HECTD4: variants seen among roughly 807,000 people sequenced by gnomAD.
HECTD4 encodes probable E3 ubiquitin-protein ligase HECTD4.
Under a neutral mutation model 471.5 loss-of-function variants are expected in HECTD4, and 114 were observed. That is an observed-to-expected ratio of 0.24 (90% confidence interval 0.21 to 0.28). The LOEUF is 0.28. Ranked by LOEUF, HECTD4 falls within the 10% of genes least tolerant of loss-of-function variation. The pLI is 1.00. For missense variants in HECTD4, 3,866 were observed against 5,651.5 expected, an observed-to-expected ratio of 0.68 and a Z score of 10.13; for synonymous variants, 2,012 against 2,256.0, an observed-to-expected ratio of 0.89 and a Z score of 3.07.
At chr12:112,373,389 C>G (rs1335987972) in intron 1 of HECTD4, among the ~76,000 whole-genome samples, 1 of 151,834 alleles carries the variant, frequency 6.6e-6, no homozygotes, top group African/African-American at 2.4e-5. Context: ...AAAAAATAGC[C>G]AGGTGTGGTG....
At position 112,213,048 on chromosome 12, in the gene HECTD4, G is replaced by A. The variant is rs146335407; in HGVS notation, c.7466-398C>T. ...TGACCTCAGGCAATCCACCTGCCTCGGCCTCTCAAAGTGCTGGAATTACAG... is the reference window on the plus strand; with the variant it reads ...TGACCTCAGGCAATCCACCTGCCTCAGCCTCTCAAAGTGCTGGAATTACAG... On this transcript the variant is annotated intron_variant, in intron 48 of 75. Transcript: ENST00000682272. This position sits in a 1 kb window ranked among gnomAD's most constrained non-coding sequence, Gnocchi z 4.0. 6.3e-4 allele frequency among the ~76,000 whole-genome samples: 96 copies of A among 152,156 alleles called. No individual in the cohort carries two copies. In the East Asian group the frequency reaches 0.013, roughly 20 times the overall value.
At position 112,193,053 on chromosome 12, in the gene HECTD4, C is replaced by T. The variant is rs759920750; in HGVS notation, c.9086+8G>A. The T allele has an allele frequency of 3.7e-6, 6 of 1,613,980 alleles. No individual in the cohort carries two copies. The highest frequency in any genetic ancestry group is 1.3e-5 in the African/African-American group (1 of 75,054). The stretch of plus-strand genomic sequence containing the variant: ...CCATCACCATCTTCTTGAGAACAGG[C>T]AACTTACTCTTTGCGGAATCCAGAT... On this transcript the variant is annotated splice_region_variant and intron_variant, in intron 58 of 75. Coordinates refer to ENST00000682272, the MANE Select transcript of HECTD4 (RefSeq NM_001388303.1). This position sits in a 1 kb window ranked among gnomAD's most constrained non-coding sequence, Gnocchi z 5.2.
At chr12:112,301,168 G>A (rs982440003) in intron 7 of HECTD4, among the ~76,000 whole-genome samples, 8 of 150,422 alleles carry the variant, frequency 5.3e-5, no homozygotes, top group Non-Finnish European at 7.4e-5. Flanking sequence ...TTACAGGCAT[G>A]AGCCACCACG....
At chr12:112,170,592 G>T in intron 68 of HECTD4, 140 bp from the exon 69 acceptor site, 2 of 1,088,142 alleles carry the variant, frequency 1.8e-6, no homozygotes, top group Non-Finnish European at 2.6e-6. Flanking sequence ...ACTGTGGAGG[G>T]TGGTGTGTCA....
chr12:112,267,048 A>C, intron 13 of HECTD4, 66 bp from the exon 14 acceptor site: 1 of 896,552 alleles, frequency 1.1e-6, no homozygotes, highest in East Asian at 2.7e-5. Flanking sequence ...TAAATATTTA[A>C]ATTCATATTT....
rs558371908 is a variant in HECTD4 at position 112,333,243 on chromosome 12, A to C, written c.178-13501T>G. Among the ~76,000 whole-genome samples the C allele has an allele frequency of 2.0e-5, 3 of 152,350 alleles. No homozygotes were observed. In the East Asian group the frequency reaches 5.8e-4, roughly 29 times the overall value. On this transcript the variant is annotated intron_variant, in intron 1 of 75. Coordinates refer to ENST00000682272, the MANE Select transcript of HECTD4 (RefSeq NM_001388303.1). Reference sequence around the variant, plus strand: ...AAATGGAACAGCCGAGTCACATGTTAACTCTATGTTTACCATCTAGAGGAA... The same window carrying C: ...AAATGGAACAGCCGAGTCACATGTTCACTCTATGTTTACCATCTAGAGGAA...
chr12:112,225,141 C>T (rs2033198993), intron 44 of HECTD4, among the ~76,000 whole-genome samples: 1 of 151,978 alleles, frequency 6.6e-6, no homozygotes, highest in Non-Finnish European at 1.5e-5. Flanking sequence ...ATCCAAGGCA[C>T]TACCCTTATC....
Position 112,162,449 on chromosome 12 carries a change from C to T in HECTD4, c.13195G>A (p.Glu4399Lys). The T allele has an allele frequency of 6.2e-7, 1 of 1,614,052 alleles. No individual in the cohort carries two copies. The highest frequency in any genetic ancestry group is 8.5e-7 in the Non-Finnish European group (1 of 1,179,894). ...MIKLPQYSSL[E>K]IMLEKLRCAI... ...CAACGAAGTTTCTCCAGCATGATTT[C>T]CAGAGAGGAGTACTGGGGAAGCTTG... Residue 4399 changes from glutamate to lysine, a missense_variant, in exon 76 of 76, where the codon GAA becomes AAA. By Grantham distance (56) the Glu-to-Lys change is moderately conservative. Around this residue, in one of 16 missense-constraint regions of HECTD4, gnomAD observed 715 missense variants for 1,087.6 expected, o/e 0.66. Coordinates refer to ENST00000682272, the MANE Select transcript of HECTD4 (RefSeq NM_001388303.1). The surrounding 1 kb of genome is among the most constrained non-coding windows in gnomAD (Gnocchi z 5.2).
chr12:112,290,586 G>T (rs184660300), intron 7 of HECTD4, among the ~76,000 whole-genome samples: 1 of 151,796 alleles, frequency 6.6e-6, no homozygotes, highest in Non-Finnish European at 1.5e-5. Flanking sequence ...GGTGGCTCAC[G>T]CCTGTAATCA....
At chr12:112,208,253 G>A (rs774140476) in intron 51 of HECTD4, among the ~76,000 whole-genome samples, 1 of 152,206 alleles carries the variant, frequency 6.6e-6, no homozygotes, top group Non-Finnish European at 1.5e-5. Context: ...CTATTGCAAA[G>A]CACTTCACTT....
At position 112,184,222 on chromosome 12, in the gene HECTD4, C is replaced by T. The variant is rs1323121733; in HGVS notation, c.10744G>A (p.Ala3582Thr). The stretch of plus-strand genomic sequence containing the variant: ...GCGAAGCCTTTGATGGGGCGGGCGG[C>T]GAGGGGCTGGTTGTCCAGGGAAGTG... ...TVTSLDNQPL[A>T]ARPIKGFAVV... is the part of the protein sequence containing the mutation. The change falls in exon 61 of 76, where the codon GCC (alanine) becomes ACC (threonine). Residue 3582 changes from alanine to threonine, a missense_variant. Coordinates refer to ENST00000682272, the MANE Select transcript of HECTD4 (RefSeq NM_001388303.1). The surrounding 1 kb of genome is among the most constrained non-coding windows in gnomAD (Gnocchi z 9.1). 6.2e-7 allele frequency: 1 copy of T among 1,612,656 alleles called. No homozygotes were observed. Among genetic ancestry groups the T allele is most frequent in the East Asian group, 2.2e-5 (1 of 44,882 alleles).
At chr12:112,259,324 A>T in intron 18 of HECTD4, 59 bp from the exon 19 acceptor site, 2 of 1,559,632 alleles carry the variant, frequency 1.3e-6, no homozygotes, top group Non-Finnish European at 1.8e-6. Flanking sequence ...GTGAAGAAGC[A>T]CTAATGTCAT....
intron 7 of HECTD4, among the ~76,000 whole-genome samples, chr12:112,292,890 C>T (rs568941361): frequency 4.6e-5 from 7 of 151,814 alleles, no homozygotes; most frequent in South Asian, 2.1e-4. Flanking sequence ...GGGGTGGTGG[C>T]GGGCACCTGT....
rs1348965102 is a variant in HECTD4, at chr12:112,252,513, C to T, written c.3463G>A (p.Val1155Ile). 4 of 1,611,070 alleles carry T rather than the reference C, an allele frequency of 2.5e-6. No individual in the cohort carries two copies. Among genetic ancestry groups the T allele is most frequent in the Non-Finnish European group, 3.4e-6 (4 of 1,178,224 alleles). Residue 1155 changes from valine (V) to isoleucine (I), a missense_variant, in exon 23 of 76, where the codon GTC becomes ATC. Coordinates refer to ENST00000682272, the MANE Select transcript of HECTD4 (RefSeq NM_001388303.1). The stretch of plus-strand genomic sequence containing the variant: ...CTTCTCATTTCAAAGGAGAAGGTGA[C>T]TGTATCTCCTTCCACCTTAAAATTT... ...KDLVKVEGDT[V>I]TFSFEMRSGR...
At position 112,162,150 on chromosome 12, in the gene HECTD4, C is replaced by T; in HGVS notation, c.*237G>A. The T allele has an allele frequency of 2.0e-6, 1 of 496,474 alleles. No individual in the cohort carries two copies. The highest frequency in any genetic ancestry group is 3.6e-6 in the Non-Finnish European group (1 of 277,686). 30.8% of individuals were successfully genotyped at this position (496,474 alleles called of 1,614,324 possible). A position where few individuals can be genotyped will look rare whatever the true frequency, so the allele number is the denominator to read the frequency against. Reference sequence around the variant, plus strand: ...AAATTAGACACAAACTGTCTGGGAACTAAACTATCCTACAAATAGACCACA... The same window carrying T: ...AAATTAGACACAAACTGTCTGGGAATTAAACTATCCTACAAATAGACCACA... On this transcript the variant is annotated 3_prime_UTR_variant, in exon 76 of 76. Transcript: ENST00000682272. This position sits in a 1 kb window ranked among gnomAD's most constrained non-coding sequence, Gnocchi z 5.2.
rs2135523690 is a variant in HECTD4 at position 112,193,034 on chromosome 12, C to T, written c.9086+27G>A. ...TCATTTAGCTTTCCTCTCCCCATCA[C>T]CATCTTCTTGAGAACAGGCAACTTA... is the stretch of plus-strand genomic sequence containing the variant. On this transcript the variant is annotated intron_variant, in intron 58 of 75. Coordinates refer to ENST00000682272, the MANE Select transcript of HECTD4 (RefSeq NM_001388303.1). The surrounding 1 kb of genome is among the most constrained non-coding windows in gnomAD (Gnocchi z 5.2). The T allele has an allele frequency of 1.2e-6, 2 of 1,613,156 alleles. No individual in the cohort carries two copies. The highest frequency in any genetic ancestry group is 1.7e-6 in the Non-Finnish European group (2 of 1,179,360).
Position 112,319,175 on chromosome 12 carries a change from A to G in HECTD4, c.695+50T>C. ...GGCCTCTTCTTCATTCACCCAACCC[A>G]GGTGGCAGTAGTCACAAGGTCACCA... is the stretch of plus-strand genomic sequence containing the variant. On this transcript the variant is annotated intron_variant, in intron 2 of 75. Coordinates refer to ENST00000682272, the MANE Select transcript of HECTD4 (RefSeq NM_001388303.1). This position sits in a 1 kb window ranked among gnomAD's most constrained non-coding sequence, Gnocchi z 5.3. The G allele has an allele frequency of 6.6e-7, 1 of 1,519,640 alleles. No homozygotes were observed. The highest frequency in any genetic ancestry group is 8.8e-7 in the Non-Finnish European group (1 of 1,134,932). The allele number at this position is 1,519,640 out of a possible 1,614,324, so 94.1% of individuals were successfully genotyped here. A position where few individuals can be genotyped will look rare whatever the true frequency, so the allele number is the denominator to read the frequency against.
chr12:112,253,206 C>T (rs2033934327), intron 22 of HECTD4, among the ~76,000 whole-genome samples: 1 of 151,998 alleles, frequency 6.6e-6, no homozygotes, highest in Non-Finnish European at 1.5e-5. Context: ...CTCACTGCAA[C>T]CTCCACCTCC....
At chr12:112,200,092 C>T (rs528771408) in intron 55 of HECTD4, among the ~76,000 whole-genome samples, 1 of 152,150 alleles carries the variant, frequency 6.6e-6, no homozygotes, top group Admixed American at 6.5e-5. Context: ...TCTAGCTACC[C>T]ATCAGTCCTC....
Sources: allele counts gnomAD v4.1 joint callset (sites outside exome capture counted in the v4.1 genomes callset), GRCh38; gene constraint gnomAD v4.1.1; regional missense constraint gnomAD v4.1.1; non-coding constraint Gnocchi (gnomAD v3.1); transcripts MANE v1.5; gene names NCBI Gene and HGNC (gene_info 2026-07-23, HGNC 2026-07-21).